FBLN7: variants seen among roughly 807,000 people sequenced by gnomAD.
The protein encoded by FBLN7 is fibulin 7.
Under a neutral mutation model 44.0 loss-of-function variants are expected in FBLN7, and 31 were observed. That is an observed-to-expected ratio of 0.70 (90% CI 0.53 to 0.95). The LOEUF is 0.95. Ranked by LOEUF, FBLN7 falls within the 40% of genes least tolerant of loss-of-function variation. The probability of loss-of-function intolerance (pLI) is 0.00; values close to 1 mark genes in which losing one functional copy is unlikely to be tolerated. For synonymous variants in FBLN7, 262 were observed against 253.4 expected (o/e 1.03, Z -0.32); for missense variants, 573 against 618.5 (o/e 0.93, Z 0.78).
chr2:112,197,272 CACAGAGAGAGAGAGAG>C, the FBLN7 span, among the ~76,000 whole-genome samples: 16 of 119,920 alleles, frequency 1.3e-4, no homozygotes, highest in South Asian at 5.6e-4. Context: ...CACACACACA[CACAGAGAGAGAGAGAG>C]AGAGAGAGAG....
chr2:112,223,412 TA>T, the FBLN7 span, among the ~76,000 whole-genome samples: 2 of 151,774 alleles, frequency 1.3e-5, no homozygotes, highest in Non-Finnish European at 2.9e-5. Context: ...ATAAAGCCAT[TA>T]AAAAAAAGAA....
At chr2:112,233,472 A>C in the FBLN7 span, 7 of 773,442 alleles carry the variant, frequency 9.1e-6, no homozygotes, top group African/African-American at 1.8e-5. Context: ...GATTCCAGAA[A>C]GAACCAAAGT....
At chr2:112,228,603 T>C in the FBLN7 span, among the ~76,000 whole-genome samples, 2 of 151,664 alleles carry the variant, frequency 1.3e-5, no homozygotes, top group Admixed American at 1.3e-4. Context: ...AAATGAATCA[T>C]AGACATAAAC....
intron 1 of FBLN7, among the ~76,000 whole-genome samples, chr2:112,149,020 G>A (rs1681016601): frequency 6.6e-6 from 1 of 152,194 alleles, no homozygotes; most frequent in Non-Finnish European, 1.5e-5. Context: ...CCATCATAGT[G>A]ACGCAAAGAC....
At chr2:112,197,274 CAGAGAGAGAGAGAGAGAG>C in the FBLN7 span, among the ~76,000 whole-genome samples, 2 of 98,596 alleles carry the variant, frequency 2.0e-5, no homozygotes, top group Admixed American at 1.1e-4. Context: ...CACACACACA[CAGAGAGAGAGAGAGAGAG>C]AGAGAGAGAG....
the FBLN7 span, among the ~76,000 whole-genome samples, chr2:112,228,785 TAATAA>T: frequency 1.3e-5 from 2 of 151,800 alleles, no homozygotes; most frequent in Non-Finnish European, 2.9e-5. Context: ...AAGATACCAT[TAATAA>T]AATAAGACAA....
chr2:112,156,231 G>A (rs918914633), intron 1 of FBLN7, among the ~76,000 whole-genome samples: 2 of 152,166 alleles, frequency 1.3e-5, no homozygotes, highest in African/African-American at 2.4e-5. Flanking sequence ...CACCACACAG[G>A]AGCCTGTGAG....
chr2:112,181,450 AAGACGTG>A lies in FBLN7; in HGVS notation c.533-288_533-282del, dbSNP rs534026755. ...TGGGGTGTTCAAGTCTTTTTAAGTG[AAGACGTG>A]GATTTGCCCCAGCTGTCCTTCTCGG... On this transcript the variant is annotated intron_variant, in intron 4 of 7. Coordinates refer to ENST00000331203, the MANE Select transcript of FBLN7 (RefSeq NM_153214.3). 7.9e-5 allele frequency among the ~76,000 whole-genome samples: 12 copies of A among 152,120 alleles called. No homozygotes were observed. In the East Asian group the frequency reaches 1.4e-3, roughly 17 times the overall value.
In FBLN7 at chr2:112,181,719, A is replaced by G; in HGVS notation, c.533-20A>G. The G allele has an allele frequency of 7.3e-7, 1 of 1,373,846 alleles. No individual in the cohort carries two copies. The highest frequency in any genetic ancestry group is 9.3e-7 in the Non-Finnish European group (1 of 1,071,450). 85.1% of individuals were successfully genotyped at this position (1,373,846 alleles called of 1,614,324 possible). A position where few individuals can be genotyped will look rare whatever the true frequency, so the allele number is the denominator to read the frequency against. On this transcript the variant is annotated intron_variant, in intron 4 of 7. Coordinates refer to ENST00000331203, the MANE Select transcript of FBLN7 (RefSeq NM_153214.3). Reference sequence around the variant, plus strand: ...GCAGGTGCGCCAGGGCCCGGCACTGAGCGTGTCTTCTCCCCGCAGCCGCCC... The same window carrying G: ...GCAGGTGCGCCAGGGCCCGGCACTGGGCGTGTCTTCTCCCCGCAGCCGCCC...
intron 4 of FBLN7, chr2:112,176,438 A>T (rs1682740114): frequency 6.6e-6 from 1 of 152,328 alleles, no homozygotes; most frequent in Non-Finnish European, 1.5e-5. Context: ...TGCAACCAAG[A>T]TTTCATTCAG....
chr2:112,181,797 G>A lies in FBLN7; in HGVS notation c.591G>A (p.Ala197=), dbSNP rs1003499380. Residue 197 remains alanine (A), a synonymous_variant, in exon 5 of 8, where the codon GCG becomes GCA. Coordinates refer to ENST00000331203, the MANE Select transcript of FBLN7 (RefSeq NM_153214.3). Reference sequence around the variant, plus strand: ...CCTTCAGCCGCGCGCCGCGCTGTGCGCAGGTGGAGCGGGCTCAGCACTGCA... The same window carrying A: ...CCTTCAGCCGCGCGCCGCGCTGTGCACAGGTGGAGCGGGCTCAGCACTGCA... ...DSAFSRAPRC[A]QVERAQHCSC... 28 of 1,482,774 alleles carry A rather than the reference G, an allele frequency of 1.9e-5. No individual in the cohort carries two copies. Among genetic ancestry groups the A allele is most frequent in the Non-Finnish European group, 2.5e-5 (28 of 1,123,394 alleles). 91.9% of individuals were successfully genotyped at this position (1,482,774 alleles called of 1,614,324 possible).
intron 1 of FBLN7, among the ~76,000 whole-genome samples, chr2:112,144,213 G>A (rs980918774): frequency 1.3e-5 from 2 of 152,282 alleles, no homozygotes; most frequent in Admixed American, 1.3e-4. Context: ...ACAGTTGTTG[G>A]CCGAAGATTC....
At chr2:112,206,201 A>C in the FBLN7 span, among the ~76,000 whole-genome samples, 1 of 152,130 alleles carries the variant, frequency 6.6e-6, no homozygotes, top group Non-Finnish European at 1.5e-5. Flanking sequence ...CATTTCTTGC[A>C]GGATTTCTGG....
chr2:112,190,235 G>A (rs548217906), downstream of FBLN7: 2 of 152,290 alleles, frequency 1.3e-5, no homozygotes, highest in South Asian at 4.1e-4. Context: ...TCCAGTAGGA[G>A]GAGCAAAATA....
At chr2:112,159,513 C>T (rs920881645) in intron 1 of FBLN7, among the ~76,000 whole-genome samples, 163 bp from the exon 2 acceptor site, 2 of 152,212 alleles carry the variant, frequency 1.3e-5, no homozygotes, top group African/African-American at 4.8e-5. Flanking sequence ...GGCTACCATG[C>T]ATGTACTTGG....
intron 2 of FBLN7, 41 bp downstream of exon 2, chr2:112,159,876 A>C: frequency 6.9e-7 from 1 of 1,457,922 alleles, no homozygotes; most frequent in Non-Finnish European, 9.1e-7. Context: ...GCAGCGCAGC[A>C]CTCGAGCACT....
Position 112,157,615 on chromosome 2 carries a change from T to C in FBLN7, c.76-2061T>C, listed in dbSNP as rs536194803. ...TTACTATTTTTCATGTCCTGGCTCT[T>C]TTTCTTAATTAGGTAATTAATTTTT... On this transcript the variant is annotated intron_variant, in intron 1 of 7. Transcript: ENST00000331203. Among the ~76,000 whole-genome samples, 29 of 152,250 alleles carry C rather than the reference T, an allele frequency of 1.9e-4. 1 individual carries two copies. The highest frequency in any genetic ancestry group is 1.7e-3 in the Admixed American group (26 of 15,304).
At chr2:112,192,686 AG>A (rs999375293), downstream of FBLN7, among the ~76,000 whole-genome samples, 8 of 152,240 alleles carry the variant, frequency 5.3e-5, no homozygotes, top group African/African-American at 9.6e-5. Context: ...TCAAGGAGAG[AG>A]GAAGTCCCTC....
chr2:112,236,703 C>A, the FBLN7 span: 4 of 1,594,198 alleles, frequency 2.5e-6, no homozygotes, highest in Non-Finnish European at 3.4e-6. Flanking sequence ...CAGCTAAAAA[C>A]AAAAAATTAA....
Sources: gnomAD v4.1 joint callset for allele counts (sites outside exome capture counted in the v4.1 genomes callset) on GRCh38, gnomAD v4.1.1 for gene constraint, MANE v1.5 for transcripts, NCBI Gene and HGNC (gene_info 2026-07-23, HGNC 2026-07-21) for gene names.